The following EPRS1 variants were observed in gnomAD, a reference collection of about 807,000 sequenced individuals.
The protein encoded by EPRS1 is bifunctional glutamate/proline--tRNA ligase.
In EPRS1, 107 loss-of-function variants were observed where a neutral mutation model predicts 188.3. The ratio of observed to expected loss-of-function variants is 0.57; its 90% CI spans 0.49 to 0.67. EPRS1 has a LOEUF of 0.67. EPRS1 is among the 30% of genes least tolerant of loss of function. EPRS1 has a pLI of 0.00. For missense variants in EPRS1, 1,577 were observed against 1,802.2 expected (o/e 0.88, Z 2.26); for synonymous variants, 596 against 593.1 (o/e 1.00, Z -0.07).
intron 23 of EPRS1, 130 bp downstream of exon 23, chr1:219,982,642 T>A (rs935082930): frequency 2.0e-5 from 14 of 688,154 alleles, no homozygotes; most frequent in African/African-American, 1.8e-4. Context: ...TCAATCTTCA[T>A]CAACATTCAT....
chr1:219,988,748 T>G lies in EPRS1; in HGVS notation c.2617A>C (p.Ile873Leu). Reference sequence around the variant, plus strand: ...TGAGATAATGGGGGCTGACCAGGTATGTACTCCTTCCCAGTTTTTTCTTTA... The same window carrying G: ...TGAGATAATGGGGGCTGACCAGGTAGGTACTCCTTCCCAGTTTTTTCTTTA... Reference protein sequence around the residue: ...QYKEKTGKEYIPGQPPLSQSS... With the variant: ...QYKEKTGKEYLPGQPPLSQSS... Residue 873 changes from isoleucine to leucine, a missense_variant, in exon 19 of 32, where the codon ATA becomes CTA. By Grantham distance (5) the Ile-to-Leu change is conservative. Around this residue, in one of 3 missense-constraint regions of EPRS1, gnomAD observed 1,278 missense variants for 1,457.4 expected, o/e 0.88. Coordinates refer to ENST00000366923, the MANE Select transcript of EPRS1 (RefSeq NM_004446.3). 2 of 1,613,952 alleles carry G rather than the reference T, an allele frequency of 1.2e-6. No individual in the cohort carries two copies. Among genetic ancestry groups the G allele is most frequent in the Non-Finnish European group, 1.7e-6 (2 of 1,179,848 alleles).
chr1:219,977,456 G>A (rs2102561570), intron 28 of EPRS1, among the ~76,000 whole-genome samples: 1 of 152,250 alleles, frequency 6.6e-6, no homozygotes, highest in South Asian at 2.1e-4. Flanking sequence ...AAAGAATTCA[G>A]GAATGAACGT....
chr1:219,981,336 A>G, intron 24 of EPRS1, 42 bp downstream of exon 24: 1 of 1,318,140 alleles, frequency 7.6e-7, no homozygotes, highest in Non-Finnish European at 1.1e-6. Flanking sequence ...AAAAAAAAAG[A>G]ACATGAATAA....
chr1:220,010,119 T>C (rs1414796006), intron 13 of EPRS1, among the ~76,000 whole-genome samples: 1 of 148,808 alleles, frequency 6.7e-6, no homozygotes, highest in East Asian at 2.0e-4. Flanking sequence ...AAAAATTCTA[T>C]TCAGAATTTA....
chr1:220,030,389 C>A lies in EPRS1; in HGVS notation c.620G>T (p.Ser207Ile). The A allele has an allele frequency of 6.2e-7, 1 of 1,608,520 alleles. No individual in the cohort carries two copies. The highest frequency in any genetic ancestry group is 8.5e-7 in the Non-Finnish European group (1 of 1,174,960). ...KVTVRFPPEA[S>I]GYLHIGHAKA... ...AATGTGAGTTACATTTTCTTACCCA[C>A]TGGCCTCTGGAGGAAATCTGACGGT... The change falls in exon 6 of 32, where the codon AGT becomes ATT. Residue 207 changes from serine to isoleucine, a missense_variant. By Grantham distance (142) the Ser-to-Ile change is moderately radical (BLOSUM62 -2). Coordinates refer to ENST00000366923, the MANE Select transcript of EPRS1 (RefSeq NM_004446.3).
chr1:220,019,406 C>T (rs1455840341), intron 10 of EPRS1, among the ~76,000 whole-genome samples: 1 of 152,166 alleles, frequency 6.6e-6, no homozygotes, highest in African/African-American at 2.4e-5. Context: ...TTCAAGGTCC[C>T]TATTCCACAT....
chr1:219,970,772 T>C (rs1660650205), intron 30 of EPRS1, among the ~76,000 whole-genome samples: 1 of 106,266 alleles, frequency 9.4e-6, no homozygotes, highest in Non-Finnish European at 1.9e-5. Context: ...AGCAAGACCC[T>C]GTACCAAAAA....
intron 8 of EPRS1, among the ~76,000 whole-genome samples, chr1:220,023,018 T>C (rs1314363220): frequency 6.6e-6 from 1 of 152,098 alleles, no homozygotes; most frequent in Non-Finnish European, 1.5e-5. Context: ...AGAACACAGC[T>C]CAGGTTGAGA....
chr1:220,045,989 T>C (rs1662393682), intron 1 of EPRS1, among the ~76,000 whole-genome samples: 1 of 152,166 alleles, frequency 6.6e-6, no homozygotes, highest in Admixed American at 6.5e-5. Context: ...AGTTTTAAAA[T>C]CTTATTTCCA....
chr1:220,018,866 A>T (rs1661797234), intron 11 of EPRS1, 129 bp downstream of exon 11: 1 of 500,494 alleles, frequency 2.0e-6, no homozygotes, highest in Non-Finnish European at 3.3e-6. Flanking sequence ...AAAAAAAAAA[A>T]TCTGCCCTTG....
intron 25 of EPRS1, among the ~76,000 whole-genome samples, 168 bp from the exon 26 acceptor site, chr1:219,980,408 T>C (rs1660872036): frequency 6.6e-6 from 1 of 152,230 alleles, no homozygotes; most frequent in Non-Finnish European, 1.5e-5. Context: ...TTAAGAAAGA[T>C]ATTCAATGAA....
chr1:220,033,545 G>A lies in EPRS1; in HGVS notation c.345C>T (p.Asn115=), dbSNP rs1291513047. 6.2e-7 allele frequency: 1 copy of A among 1,612,400 alleles called. No homozygotes were observed. The highest frequency in any genetic ancestry group is 1.3e-5 in the African/African-American group (1 of 74,832). Residue 115 remains asparagine (N), a synonymous_variant, in exon 4 of 32, where the codon AAC becomes AAT. Coordinates refer to ENST00000366923, the MANE Select transcript of EPRS1 (RefSeq NM_004446.3). ...CACATAAATCTGCTAAACTCAAGGAGTTTCCAACTAAGTATGTTCTCAGAG... is the reference window on the plus strand; with the variant it reads ...CACATAAATCTGCTAAACTCAAGGAATTTCCAACTAAGTATGTTCTCAGAG... The part of the protein sequence containing the change: ...CLSLRTYLVG[N]SLSLADLCVW...
chr1:220,007,725 TATC>T (rs1661519077), intron 13 of EPRS1, among the ~76,000 whole-genome samples: 1 of 152,208 alleles, frequency 6.6e-6, no homozygotes, highest in African/African-American at 2.4e-5. Flanking sequence ...CAGTATACTT[TATC>T]ATTTAGTATC....
rs1359681529 is a variant in EPRS1 at position 220,025,260 on chromosome 1, T to A, written c.624-2A>T. On this transcript the variant is annotated splice_acceptor_variant, in intron 6 of 31. Coordinates refer to ENST00000366923, the MANE Select transcript of EPRS1 (RefSeq NM_004446.3). LOFTEE classifies it high-confidence loss of function. ...TTTGCATGCCCAATGTGTAAGTAAC[T>A]AAAACAAAAACATTTCACAAAGAAA... 6.3e-7 allele frequency: 1 copy of A among 1,583,368 alleles called. No homozygotes were observed. Among genetic ancestry groups the A allele is most frequent in the Non-Finnish European group, 8.6e-7 (1 of 1,168,900 alleles).
intron 3 of EPRS1, among the ~76,000 whole-genome samples, chr1:220,034,387 T>A (rs1019155774): frequency 6.6e-6 from 1 of 152,164 alleles, no homozygotes; most frequent in Non-Finnish European, 1.5e-5. Flanking sequence ...CTCTATGATG[T>A]TGACAGAATG....
chr1:219,985,523 C>T (rs931952015), intron 20 of EPRS1, among the ~76,000 whole-genome samples: 78 of 152,238 alleles, frequency 5.1e-4, no homozygotes, highest in African/African-American at 1.8e-3. Flanking sequence ...CCCCCTCCCC[C>T]ACCCAAGTAG....
At chr1:220,031,650 C>T (rs1558061093) in intron 5 of EPRS1, among the ~76,000 whole-genome samples, 1 of 152,162 alleles carries the variant, frequency 6.6e-6, no homozygotes. Flanking sequence ...CAACACATTC[C>T]TAAAGTGTAA....
chr1:220,012,310 G>A (rs535482130), intron 12 of EPRS1, among the ~76,000 whole-genome samples: 2 of 151,976 alleles, frequency 1.3e-5, no homozygotes, highest in African/African-American at 2.4e-5. Context: ...GATTTAATTC[G>A]TGACTGACTA....
chr1:220,016,234 C>T (rs1390321492), intron 12 of EPRS1, among the ~76,000 whole-genome samples: 2 of 151,630 alleles, frequency 1.3e-5, no homozygotes, highest in Admixed American at 1.3e-4. Context: ...ATCCCAGCTA[C>T]TCGGGAGGCT....
Sources: allele counts gnomAD v4.1 joint callset (sites outside exome capture counted in the v4.1 genomes callset), GRCh38; gene constraint gnomAD v4.1.1; regional missense constraint gnomAD v4.1.1; transcripts MANE v1.5; gene names NCBI Gene and HGNC (gene_info 2026-07-23, HGNC 2026-07-21).